MICU1: variants seen among roughly 807,000 people sequenced by gnomAD.
MICU1 encodes mitochondrial calcium uptake 1.
MICU1 carries 45 observed loss-of-function variants against 56.8 expected under a neutral mutation model. That is an observed-to-expected ratio of 0.79 (90% CI 0.62 to 1.02). MICU1 has a LOEUF of 1.02. MICU1 is among the 50% of genes least tolerant of loss of function. The probability of loss-of-function intolerance (pLI) is 0.00; values close to 1 mark genes in which losing one functional copy is unlikely to be tolerated. For synonymous variants in MICU1, 186 were observed against 195.1 expected, an observed-to-expected ratio of 0.95 and a Z score of 0.39; for missense variants, 504 against 587.1, an observed-to-expected ratio of 0.86 and a Z score of 1.46.
intron 6 of MICU1, among the ~76,000 whole-genome samples, chr10:72,506,166 T>C (rs1334934270): frequency 1.3e-5 from 2 of 152,166 alleles, no homozygotes; most frequent in African/African-American, 4.8e-5. Context: ...GTGCTGGGAA[T>C]GGCAGAGCTA....
intron 8 of MICU1, among the ~76,000 whole-genome samples, chr10:72,458,292 T>C (rs1172458531): frequency 2.0e-5 from 3 of 152,192 alleles, no homozygotes; most frequent in East Asian, 3.8e-4. Context: ...TAATGTTATA[T>C]GATGTCCAAT....
At position 72,423,394 on chromosome 10, in the gene MICU1, G is replaced by A. The variant is rs560426303; in HGVS notation, c.934-23C>T. 13 of 1,610,516 alleles carry A rather than the reference G, an allele frequency of 8.1e-6. No homozygotes were observed. The Admixed American group carries it at 1.3e-4, about 17-fold the overall frequency. On this transcript the variant is annotated intron_variant, in intron 8 of 11. Coordinates refer to ENST00000361114, the MANE Select transcript of MICU1 (RefSeq NM_001195518.2). ...AAACTGGGAGGGAAACAGAAAGAAT[G>A]TTCCTAGGGTCAATGGAAAGTATTT...
chr10:72,614,678 C>T (rs181888383), intron 1 of MICU1, among the ~76,000 whole-genome samples: 1 of 152,242 alleles, frequency 6.6e-6, no homozygotes, highest in East Asian at 1.9e-4. Context: ...AAGGCAAATA[C>T]TTTGTGATTT....
chr10:72,490,305 A>G (rs546172006), intron 6 of MICU1, among the ~76,000 whole-genome samples: 12 of 152,298 alleles, frequency 7.9e-5, no homozygotes, highest in African/African-American at 2.9e-4. Context: ...GGGAAAAACA[A>G]ATCAGTTTTA....
At chr10:72,376,239 C>A (rs192458435) in intron 10 of MICU1, among the ~76,000 whole-genome samples, 10 of 151,690 alleles carry the variant, frequency 6.6e-5, no homozygotes, top group Admixed American at 6.6e-4. Context: ...GATCACGCCA[C>A]TGCTCTCCAG....
chr10:72,623,555 T>C (rs1006437736), intron 1 of MICU1, among the ~76,000 whole-genome samples: 3 of 151,638 alleles, frequency 2.0e-5, no homozygotes, highest in African/African-American at 7.3e-5. Context: ...CTAGCCTGGG[T>C]AGGCCAGGTG....
intron 9 of MICU1, among the ~76,000 whole-genome samples, chr10:72,421,569 G>A (rs147901047): frequency 7.4e-4 from 113 of 152,236 alleles, no homozygotes; most frequent in South Asian, 4.4e-3. Context: ...GCCACCGTGC[G>A]CAGCCACCAT....
intron 8 of MICU1, among the ~76,000 whole-genome samples, chr10:72,461,652 T>A (rs976727701): frequency 2.6e-5 from 4 of 152,198 alleles, no homozygotes; most frequent in Admixed American, 1.3e-4. Context: ...TTATTAGTAG[T>A]TAAGAAAAGA....
At position 72,615,532 on chromosome 10, in the gene MICU1, T is replaced by C. The variant is rs182063489; in HGVS notation, c.-2+10478A>G. The stretch of plus-strand genomic sequence containing the variant: ...AAGTATTTTTGGCAAGAATTCTGCA[T>C]AGATTATTTTCTATATTTCATGAGT... On this transcript the variant is annotated intron_variant, in intron 1 of 11. Transcript: ENST00000361114. 3.9e-5 allele frequency among the ~76,000 whole-genome samples: 6 copies of C among 152,350 alleles called. No homozygotes were observed. In the East Asian group the frequency reaches 1.2e-3, roughly 29 times the overall value.
intron 1 of MICU1, among the ~76,000 whole-genome samples, chr10:72,602,867 G>A (rs1045567300): frequency 6.6e-6 from 1 of 152,248 alleles, no homozygotes; most frequent in African/African-American, 2.4e-5. Context: ...CAGCACTTCG[G>A]GAGGCCGAGG....
rs1487430982 is a variant in MICU1 at position 72,473,239 on chromosome 10, T to A, written c.933+1861A>T. The stretch of plus-strand genomic sequence containing the variant: ...ACAAGTAAGATAGTCATTTACCCAA[T>A]TTTTAGTGATTAGATGTCGGTGGTC... On this transcript the variant is annotated intron_variant, in intron 8 of 11. Coordinates refer to ENST00000361114, the MANE Select transcript of MICU1 (RefSeq NM_001195518.2). 3.9e-5 allele frequency: 6 copies of A among 152,280 alleles called. No individual in the cohort carries two copies. In the East Asian group the frequency reaches 1.2e-3, roughly 29 times the overall value. 9.4% of individuals were successfully genotyped at this position (152,280 alleles called of 1,614,324 possible). A position where few individuals can be genotyped will look rare whatever the true frequency, so the allele number is the denominator to read the frequency against.
chr10:72,435,726 A>C (rs1464979859), intron 8 of MICU1, among the ~76,000 whole-genome samples: 1 of 152,252 alleles, frequency 6.6e-6, no homozygotes, highest in African/African-American at 2.4e-5. Context: ...ACTGGCAGAC[A>C]AGGAGATTCT....
At chr10:72,605,266 CAAT>C (rs1451131792) in intron 1 of MICU1, among the ~76,000 whole-genome samples, 4 of 152,198 alleles carry the variant, frequency 2.6e-5, no homozygotes, top group Admixed American at 6.5e-5. Flanking sequence ...AATGCCACAA[CAAT>C]GTCTGGAAGT....
chr10:72,425,240 C>T (rs1864309149), intron 8 of MICU1, among the ~76,000 whole-genome samples: 2 of 152,204 alleles, frequency 1.3e-5, no homozygotes, highest in African/African-American at 4.8e-5. Context: ...GTTCATTCTA[C>T]CCTTATCTGG....
Position 72,465,315 on chromosome 10 carries a change from T to G in MICU1, c.933+9785A>C, listed in dbSNP as rs564867007. Among the ~76,000 whole-genome samples, 427 of 150,376 alleles carry G rather than the reference T, an allele frequency of 2.8e-3. 4 individuals are homozygous for G. The highest frequency in any genetic ancestry group is 9.3e-3 in the African/African-American group (382 of 41,208). ...GCCCAGCCCATAGTTTTTTGTTTTT[T>G]TTTTTTTTTTTGGTAAAAACCCTTA... On this transcript the variant is annotated intron_variant, in intron 8 of 11. Coordinates refer to ENST00000361114, the MANE Select transcript of MICU1 (RefSeq NM_001195518.2).
chr10:72,374,511 T>G (rs897342973), intron 11 of MICU1, among the ~76,000 whole-genome samples: 15 of 152,194 alleles, frequency 9.9e-5, no homozygotes, highest in African/African-American at 3.6e-4. Flanking sequence ...AGAAGTACTA[T>G]CCAAGGTCCT....
chr10:72,407,790 T>C, intron 10 of MICU1, 139 bp downstream of exon 10: 1 of 599,950 alleles, frequency 1.7e-6, no homozygotes, highest in Non-Finnish European at 2.9e-6. Flanking sequence ...GCAAGGCTCA[T>C]ACAATGTCAA....
intron 1 of MICU1, among the ~76,000 whole-genome samples, chr10:72,616,637 A>G (rs971186407): frequency 6.9e-6 from 1 of 143,972 alleles, no homozygotes; most frequent in Non-Finnish European, 1.5e-5. Flanking sequence ...GATGGTTTCC[A>G]CTCTGGTTGG....
chr10:72,428,739 A>T (rs1864429951), intron 8 of MICU1, among the ~76,000 whole-genome samples: 1 of 152,186 alleles, frequency 6.6e-6, no homozygotes, highest in Non-Finnish European at 1.5e-5. Flanking sequence ...GACAGCCAAA[A>T]CCACGAAGAT....
Sources: gnomAD v4.1 joint callset for allele counts (sites outside exome capture counted in the v4.1 genomes callset) on GRCh38, gnomAD v4.1.1 for gene constraint, MANE v1.5 for transcripts, NCBI Gene and HGNC (gene_info 2026-07-23, HGNC 2026-07-21) for gene names.